GRM8: variants seen among roughly 807,000 people sequenced by gnomAD.
GRM8 encodes the protein metabotropic glutamate receptor 8.
GRM8 carries 47 observed loss-of-function variants against 87.2 expected under a neutral mutation model. The observed-to-expected ratio is 0.54, with a 90% CI of 0.43 to 0.69. GRM8 has a LOEUF of 0.69. Ranked by LOEUF, GRM8 falls within the 30% of genes least tolerant of loss-of-function variation. GRM8 has a pLI of 0.00. For synonymous variants in GRM8, 396 were observed against 404.5 expected, an observed-to-expected ratio of 0.98 and a Z score of 0.25; for missense variants, 1,019 against 1,139.2, an observed-to-expected ratio of 0.89 and a Z score of 1.52.
At chr7:126,698,424 T>A (rs1016607156) in intron 7 of GRM8, among the ~76,000 whole-genome samples, 1 of 152,174 alleles carries the variant, frequency 6.6e-6, no homozygotes, top group Non-Finnish European at 1.5e-5. Context: ...ATTTTATAAA[T>A]ATTTAACTTA....
At chr7:127,031,834 G>C (rs1032070300) in intron 3 of GRM8, among the ~76,000 whole-genome samples, 1 of 152,046 alleles carries the variant, frequency 6.6e-6, no homozygotes, top group African/African-American at 2.4e-5. Context: ...CTCCATAAGT[G>C]CCTGCAGAAC....
chr7:126,531,644 T>C (rs1814839437), intron 9 of GRM8, among the ~76,000 whole-genome samples: 1 of 152,214 alleles, frequency 6.6e-6, no homozygotes, highest in Non-Finnish European at 1.5e-5. Context: ...GAGAAAATGG[T>C]TATTTTGTAA....
At chr7:127,150,609 T>C (rs1025818964) in intron 2 of GRM8, among the ~76,000 whole-genome samples, 1 of 152,142 alleles carries the variant, frequency 6.6e-6, no homozygotes, top group African/African-American at 2.4e-5. Context: ...ATTCCCATTT[T>C]GCAGACGGGA....
chr7:127,053,788 A>G (rs76824923), intron 3 of GRM8, among the ~76,000 whole-genome samples: 1 of 63,274 alleles, frequency 1.6e-5, no homozygotes, highest in South Asian at 6.0e-4. Context: ...ACTCTGTCTC[A>G]AAAAAAAAAA....
At chr7:126,660,443 T>G (rs1805031899) in intron 7 of GRM8, among the ~76,000 whole-genome samples, 1 of 152,226 alleles carries the variant, frequency 6.6e-6, no homozygotes, top group Admixed American at 6.5e-5. Context: ...TTAGAGACTA[T>G]GATACAAATA....
chr7:126,519,937 G>A (rs1812727869), intron 9 of GRM8, among the ~76,000 whole-genome samples: 1 of 151,948 alleles, frequency 6.6e-6, no homozygotes, highest in Non-Finnish European at 1.5e-5. Context: ...GTCTAAACAG[G>A]GTAAAAAGAA....
chr7:126,940,418 A>G (rs1306743931), intron 3 of GRM8, among the ~76,000 whole-genome samples: 2 of 152,054 alleles, frequency 1.3e-5, no homozygotes, highest in Admixed American at 6.5e-5. Context: ...ATCTGCTTCC[A>G]TTCCCTAATG....
chr7:127,230,235 G>T (rs545188543), intron 2 of GRM8, among the ~76,000 whole-genome samples: 24 of 151,344 alleles, frequency 1.6e-4, no homozygotes, highest in Non-Finnish European at 2.7e-4. Context: ...CCCCAGTTTT[G>T]TGTCCAATGG....
At chr7:126,598,677 A>G (rs1415567107) in intron 8 of GRM8, among the ~76,000 whole-genome samples, 1 of 144,516 alleles carries the variant, frequency 6.9e-6, no homozygotes, top group Non-Finnish European at 1.6e-5. Flanking sequence ...ATAGAAAAAA[A>G]AAATCTTAAT....
At chr7:126,522,678 C>A (rs193099592) in intron 9 of GRM8, among the ~76,000 whole-genome samples, 3 of 152,324 alleles carry the variant, frequency 2.0e-5, no homozygotes, top group Admixed American at 1.3e-4. Flanking sequence ...TTTCCCTTCT[C>A]TGAAAGTGTA....
At chr7:126,747,285 G>A (rs1815808317) in intron 7 of GRM8, among the ~76,000 whole-genome samples, 1 of 151,806 alleles carries the variant, frequency 6.6e-6, no homozygotes, top group Non-Finnish European at 1.5e-5. Flanking sequence ...AAAATATTTT[G>A]TTGGACAAAA....
At chr7:126,745,248 T>A (rs1210385897) in intron 7 of GRM8, among the ~76,000 whole-genome samples, 1 of 151,792 alleles carries the variant, frequency 6.6e-6, no homozygotes. Context: ...GATTCTTATC[T>A]GTATAGATTC....
intron 3 of GRM8, among the ~76,000 whole-genome samples, chr7:127,007,358 A>G (rs1814422462): frequency 6.6e-6 from 1 of 152,004 alleles, no homozygotes; most frequent in Admixed American, 6.6e-5. Flanking sequence ...GGGTAAAAAT[A>G]TAAGGGTTTC....
intron 8 of GRM8, among the ~76,000 whole-genome samples, chr7:126,536,824 A>G (rs1477486152): frequency 6.6e-6 from 1 of 152,132 alleles, no homozygotes; most frequent in Non-Finnish European, 1.5e-5. Context: ...GTTCCTGCTC[A>G]AAAAACACAA....
At chr7:126,851,925 T>C (rs1797247460) in intron 6 of GRM8, among the ~76,000 whole-genome samples, 2 of 152,198 alleles carry the variant, frequency 1.3e-5, no homozygotes, top group South Asian at 4.1e-4. Context: ...TTTGGTTTTT[T>C]CACAGCTGTA....
intron 9 of GRM8, among the ~76,000 whole-genome samples, chr7:126,508,278 C>T (rs907498540): frequency 1.7e-4 from 26 of 151,818 alleles, no homozygotes; most frequent in Non-Finnish European, 4.4e-5. Context: ...CACGCAAACA[C>T]ACATTGATTT....
intron 7 of GRM8, among the ~76,000 whole-genome samples, chr7:126,753,695 A>C (rs1276392026): frequency 6.6e-6 from 1 of 151,916 alleles, no homozygotes; most frequent in Non-Finnish European, 1.5e-5. Context: ...ATTAGTTTGA[A>C]TATAAATCCC....
chr7:126,619,345 A>C (rs1799868838), intron 7 of GRM8, among the ~76,000 whole-genome samples: 1 of 152,104 alleles, frequency 6.6e-6, no homozygotes, highest in Admixed American at 6.6e-5. Context: ...GGACACAGGA[A>C]GGGGAACATC....
intron 7 of GRM8, among the ~76,000 whole-genome samples, chr7:126,748,444 C>G (rs1023242412): frequency 1.3e-5 from 2 of 151,688 alleles, no homozygotes; most frequent in African/African-American, 2.4e-5. Context: ...TATGGAATAC[C>G]TACATGCTGC....
Sources: gnomAD v4.1 joint callset for allele counts (sites outside exome capture counted in the v4.1 genomes callset) on GRCh38, gnomAD v4.1.1 for gene constraint, MANE v1.5 for transcripts, NCBI Gene and HGNC (gene_info 2026-07-23, HGNC 2026-07-21) for gene names.